The following SNX29 variants were observed in gnomAD, a reference collection of about 807,000 sequenced individuals.
The protein encoded by SNX29 is sorting nexin 29.
SNX29 carries 78 observed loss-of-function variants against 102.1 expected under a neutral mutation model. The observed-to-expected ratio is 0.76, with a 90% CI of 0.64 to 0.92. The LOEUF is 0.92. SNX29 is among the 40% of genes least tolerant of loss of function. The pLI, the probability that SNX29 is intolerant of heterozygous loss-of-function variation, is 0.00. For synonymous variants in SNX29, 580 were observed against 414.5 expected (o/e 1.40, Z -4.85); for missense variants, 1,280 against 1,061.7 (o/e 1.21, Z -2.86).
intron 11 of SNX29, among the ~76,000 whole-genome samples, chr16:12,117,074 C>T (rs2053746564): frequency 7.7e-6 from 1 of 130,294 alleles, no homozygotes; most frequent in African/African-American, 2.8e-5. Flanking sequence ...GCGGACGAAC[C>T]ATGGAAACAG....
intron 11 of SNX29, among the ~76,000 whole-genome samples, chr16:12,118,808 G>C (rs2053853371): frequency 6.6e-6 from 1 of 152,150 alleles, no homozygotes. Flanking sequence ...TGTGGTCTCT[G>C]ATTTAGTCAC....
chr16:12,112,389 C>A (rs918295161), intron 11 of SNX29, among the ~76,000 whole-genome samples: 1 of 152,202 alleles, frequency 6.6e-6, no homozygotes, highest in Non-Finnish European at 1.5e-5. Flanking sequence ...AGACTTCGGG[C>A]ACCTCCAGTG....
intron 20 of SNX29, among the ~76,000 whole-genome samples, chr16:12,563,544 C>G (rs550383669): frequency 2.4e-4 from 36 of 152,360 alleles, no homozygotes; most frequent in East Asian, 5.8e-4. Context: ...TCTCCCACCA[C>G]TACCTGAGGG....
At chr16:12,009,738 T>C (rs570600417) in intron 3 of SNX29, among the ~76,000 whole-genome samples, 1 of 152,298 alleles carries the variant, frequency 6.6e-6, no homozygotes, top group East Asian at 1.9e-4. Flanking sequence ...TTATGGTTCA[T>C]TGAAATTATT....
chr16:12,231,878 C>A (rs2077780901), intron 14 of SNX29, among the ~76,000 whole-genome samples: 1 of 152,188 alleles, frequency 6.6e-6, no homozygotes, highest in African/African-American at 2.4e-5. Context: ...GGAATACTTA[C>A]TTTTTTCTGT....
At chr16:12,341,947 G>T (rs11859506) in intron 15 of SNX29, among the ~76,000 whole-genome samples, 121 of 152,290 alleles carry the variant, frequency 7.9e-4, no homozygotes, top group African/African-American at 2.9e-3. Context: ...GTCATTTCCA[G>T]CACAGTGCTT....
intron 20 of SNX29, among the ~76,000 whole-genome samples, chr16:12,562,007 C>A (rs906972268): frequency 1.3e-5 from 2 of 152,158 alleles, no homozygotes; most frequent in African/African-American, 2.4e-5. Flanking sequence ...ACCCTGCAAC[C>A]CAGGAGGCCT....
chr16:12,140,698 G>C (rs918799362), intron 13 of SNX29, among the ~76,000 whole-genome samples: 3 of 152,256 alleles, frequency 2.0e-5, no homozygotes, highest in Admixed American at 2.0e-4. Flanking sequence ...TCTGGGCTCA[G>C]CCATTCTAAG....
chr16:12,562,315 C>T (rs181415472), intron 20 of SNX29, among the ~76,000 whole-genome samples: 1 of 152,258 alleles, frequency 6.6e-6, no homozygotes, highest in East Asian at 1.9e-4. Flanking sequence ...TGGCTTTGTC[C>T]CAAGAACCTG....
intron 13 of SNX29, among the ~76,000 whole-genome samples, chr16:12,182,340 G>A (rs566518731): frequency 5.2e-4 from 79 of 152,206 alleles, no homozygotes; most frequent in African/African-American, 1.9e-3. Context: ...AAAGCACAAA[G>A]GAAGGAAGCT....
At chr16:12,078,991 T>A (rs1596797224) in intron 11 of SNX29, 76 bp downstream of exon 11, 1 of 1,306,504 alleles carries the variant, frequency 7.7e-7, no homozygotes, top group East Asian at 2.5e-5. Flanking sequence ...GCCTTTGTGC[T>A]TCTAACCCTG....
At chr16:12,274,986 C>G (rs1328036449) in intron 14 of SNX29, among the ~76,000 whole-genome samples, 3 of 152,176 alleles carry the variant, frequency 2.0e-5, no homozygotes, top group African/African-American at 4.8e-5. Flanking sequence ...AGTGTTTTCC[C>G]TAAATAGTCT....
chr16:12,342,355 T>C (rs2081634673), intron 15 of SNX29, among the ~76,000 whole-genome samples: 1 of 152,182 alleles, frequency 6.6e-6, no homozygotes, highest in African/African-American at 2.4e-5. Flanking sequence ...GAGAAGAGAT[T>C]ACAGTCTCCA....
At chr16:12,020,070 T>G (rs901626208) in intron 3 of SNX29, among the ~76,000 whole-genome samples, 2 of 152,176 alleles carry the variant, frequency 1.3e-5, no homozygotes, top group Non-Finnish European at 2.9e-5. Flanking sequence ...AAGACCTAAA[T>G]AGCTATTGTT....
chr16:12,420,147 C>G (rs533307830), intron 18 of SNX29, among the ~76,000 whole-genome samples: 4 of 152,366 alleles, frequency 2.6e-5, no homozygotes, highest in African/African-American at 9.6e-5. Flanking sequence ...GCCACATCCA[C>G]TCCCTAGTTG....
At chr16:12,337,494 A>G in intron 15 of SNX29, among the ~76,000 whole-genome samples, 1 of 152,034 alleles carries the variant, frequency 6.6e-6, no homozygotes, top group Non-Finnish European at 1.5e-5. Flanking sequence ...GGCACGTACC[A>G]TCATGCCCGG....
chr16:12,394,130 C>T (rs926536884), intron 16 of SNX29, among the ~76,000 whole-genome samples: 6 of 152,166 alleles, frequency 3.9e-5, no homozygotes, highest in Non-Finnish European at 8.8e-5. Context: ...AATCAGAAAA[C>T]CCCCAAGCTT....
At chr16:12,324,531 C>T (rs2081057754) in intron 15 of SNX29, among the ~76,000 whole-genome samples, 2 of 152,162 alleles carry the variant, frequency 1.3e-5, no homozygotes, top group Non-Finnish European at 2.9e-5. Context: ...CCTCAGCCTC[C>T]CAAAGTGTTG....
intron 20 of SNX29, among the ~76,000 whole-genome samples, chr16:12,555,707 C>G (rs1210224155): frequency 1.3e-5 from 2 of 152,162 alleles, no homozygotes; most frequent in East Asian, 1.9e-4. Flanking sequence ...CTACGAGATT[C>G]TCCCTGATTG....
Sources: allele counts gnomAD v4.1 joint callset (sites outside exome capture counted in the v4.1 genomes callset), GRCh38; gene constraint gnomAD v4.1.1; transcripts MANE v1.5; gene names NCBI Gene and HGNC (gene_info 2026-07-23, HGNC 2026-07-21).